Variants in ALK observed in about 807,000 individuals in gnomAD.
ALK encodes the protein ALK receptor tyrosine kinase, also known as ALK tyrosine kinase receptor.
Under a neutral mutation model 163.1 loss-of-function variants are expected in ALK, and 74 were observed. The ratio of observed to expected loss-of-function variants is 0.45; its 90% CI spans 0.38 to 0.55. The LOEUF (loss-of-function observed/expected upper bound fraction) is 0.55, where lower values mean the gene tolerates loss of function less well. Ranked by LOEUF, ALK falls within the 20% of genes least tolerant of loss-of-function variation. The pLI is 0.00. For missense variants in ALK, 2,063 were observed against 2,105.3 expected (o/e 0.98, Z 0.39); for synonymous variants, 960 against 843.2 (o/e 1.14, Z -2.40).
chr2:29,474,709 A>C (rs1452425386), intron 4 of ALK, among the ~76,000 whole-genome samples: 2 of 152,232 alleles, frequency 1.3e-5, no homozygotes, highest in Non-Finnish European at 2.9e-5. Context: ...TGTGTTTCAC[A>C]AGACAGAACT....
chr2:29,357,640 C>G (rs1046415619), intron 5 of ALK, among the ~76,000 whole-genome samples: 1 of 152,192 alleles, frequency 6.6e-6, no homozygotes, highest in African/African-American at 2.4e-5. Context: ...CCATCTCCCC[C>G]ACCTGTCTGT....
chr2:29,461,249 A>G (rs1671077424), intron 4 of ALK, among the ~76,000 whole-genome samples: 1 of 152,230 alleles, frequency 6.6e-6, no homozygotes, highest in African/African-American at 2.4e-5. Flanking sequence ...AAAGTGAAGC[A>G]GCAAGTGCTG....
intron 5 of ALK, among the ~76,000 whole-genome samples, chr2:29,377,347 C>T (rs191620267): frequency 1.5e-3 from 227 of 152,094 alleles, no homozygotes; most frequent in South Asian, 7.1e-3. Flanking sequence ...TGGTGGCTTG[C>T]GCCTGTAATC....
intron 1 of ALK, among the ~76,000 whole-genome samples, chr2:29,828,569 C>T (rs1013981076): frequency 4.6e-5 from 7 of 152,170 alleles, no homozygotes; most frequent in South Asian, 4.1e-4. Flanking sequence ...AAAATGCTCA[C>T]CATCACTGGC....
In ALK at chr2:29,239,691, C is replaced by T. The variant is rs549721018; in HGVS notation, c.2344G>A (p.Ala782Thr). The T allele has an allele frequency of 5.0e-6, 8 of 1,613,870 alleles. No homozygotes were observed. The highest frequency in any genetic ancestry group is 1.3e-5 in the African/African-American group (1 of 75,044). The change falls in exon 13 of 29, where the codon GCC (alanine) becomes ACC (threonine). Residue 782 changes from alanine (A) to threonine (T), a missense_variant. Ala to Thr is a moderately conservative substitution (Grantham distance 58). Around this residue, in one of 5 missense-constraint regions of ALK, gnomAD observed 575 missense variants for 626.6 expected, o/e 0.92. Transcript: ENST00000389048. The part of the protein sequence containing the change: ...YILVGQQGED[A>T]CPSTNQLIQK... ...CTCTGGGCACTTACACTGGGGCAGG[C>T]GTCCTCTCCCTGCTGCCCAACCAGG...
In ALK at chr2:29,881,865, T is replaced by G. The variant is rs75616873; in HGVS notation, c.667+38128A>C. On this transcript the variant is annotated intron_variant, in intron 1 of 28. Transcript: ENST00000389048. ...CCCCCATTTTCCCTCATTTTAAACC[T>G]CAAATTTTCTGTAGTTTCTACTCCC... 6.2e-3 allele frequency among the ~76,000 whole-genome samples: 947 copies of G among 152,244 alleles called. 9 individuals carry two copies. The highest frequency in any genetic ancestry group is 0.022 in the African/African-American group (902 of 41,534).
At chr2:29,377,811 T>C (rs1668793307) in intron 5 of ALK, among the ~76,000 whole-genome samples, 1 of 152,206 alleles carries the variant, frequency 6.6e-6, no homozygotes, top group African/African-American at 2.4e-5. Context: ...CATTTGACTT[T>C]GGATACCTTC....
chr2:29,225,492 G>C lies in ALK; in HGVS notation c.3141C>G (p.Ala1047=), dbSNP rs1314893603. The change falls in exon 19 of 29, where the codon GCC becomes GCG. Residue 1047 remains alanine, a synonymous_variant. Coordinates refer to ENST00000389048, the MANE Select transcript of ALK (RefSeq NM_004304.5). The part of the protein sequence containing the change: ...LSVVTSALVA[A]LVLAFSGIMI... Reference sequence around the variant, plus strand: ...TGATGCCGGAGAAAGCCAGGACCAGGGCGGCCACGAGGGCAGAGGTCACCA... The same window carrying C: ...TGATGCCGGAGAAAGCCAGGACCAGCGCGGCCACGAGGGCAGAGGTCACCA... The C allele has an allele frequency of 6.2e-7, 1 of 1,613,458 alleles. No homozygotes were observed. Among genetic ancestry groups the C allele is most frequent in the Non-Finnish European group, 8.5e-7 (1 of 1,179,958 alleles).
intron 1 of ALK, among the ~76,000 whole-genome samples, chr2:29,763,320 G>A (rs1457458692): frequency 6.6e-6 from 1 of 152,042 alleles, no homozygotes; most frequent in Non-Finnish European, 1.5e-5. Flanking sequence ...CACCTAAATA[G>A]CATTATTATA....
chr2:29,552,890 T>C (rs957421985), intron 3 of ALK, among the ~76,000 whole-genome samples: 4 of 152,196 alleles, frequency 2.6e-5, no homozygotes, highest in African/African-American at 9.6e-5. Flanking sequence ...CCATCCTGCC[T>C]GTCCACCTCA....
At chr2:29,606,771 T>C (rs1481598828) in intron 3 of ALK, among the ~76,000 whole-genome samples, 1 of 152,208 alleles carries the variant, frequency 6.6e-6, no homozygotes, top group Non-Finnish European at 1.5e-5. Context: ...GCTCACAAAA[T>C]CTAAGATATT....
At chr2:29,212,877 G>T (rs564426483) in intron 24 of ALK, among the ~76,000 whole-genome samples, 2 of 152,008 alleles carry the variant, frequency 1.3e-5, no homozygotes, top group African/African-American at 4.8e-5. Flanking sequence ...GGCTAATTTT[G>T]TATTTTTAGT....
rs1245104062 is a variant in ALK at position 29,717,779 on chromosome 2, A to G, written c.668-82T>C. The G allele has an allele frequency of 1.9e-6, 3 of 1,587,088 alleles. No individual in the cohort carries two copies. The African/African-American group carries it at 4.0e-5, about 21-fold the overall frequency. ...TGTCACTCAATATCAGTCAAAAATGAAGTTTATAAGGGGCTTTCATGACAT... is the reference window on the plus strand; with the variant it reads ...TGTCACTCAATATCAGTCAAAAATGGAGTTTATAAGGGGCTTTCATGACAT... On this transcript the variant is annotated intron_variant, in intron 1 of 28. Transcript: ENST00000389048.
At position 29,706,365 on chromosome 2, in the gene ALK, G is replaced by A. The variant is rs560788497; in HGVS notation, c.787+11213C>T. ...AGTCACCTTTGTTATTAATCCACCA[G>A]CTGCCATCAACATCTGGTCACTTGC... On this transcript the variant is annotated intron_variant, in intron 2 of 28. Coordinates refer to ENST00000389048, the MANE Select transcript of ALK (RefSeq NM_004304.5). Among the ~76,000 whole-genome samples the A allele has an allele frequency of 2.0e-5, 3 of 152,262 alleles. No individual in the cohort carries two copies. In the South Asian group the frequency reaches 6.2e-4, roughly 32 times the overall value.
chr2:29,825,420 G>A (rs4321330), intron 1 of ALK, among the ~76,000 whole-genome samples: 43,200 of 152,102 alleles, frequency 0.28, 7,036 homozygotes, highest in East Asian at 0.48. Context: ...ATCAAGGAAG[G>A]AGGAAAGGCT....
rs2148197399 is a variant in ALK at position 29,251,169 on chromosome 2, C to T, written c.2140G>A (p.Val714Met). 1 of 1,614,188 alleles carries T rather than the reference C, an allele frequency of 6.2e-7. No homozygotes were observed. Among genetic ancestry groups the T allele is most frequent in the Non-Finnish European group, 8.5e-7 (1 of 1,180,010 alleles). The part of the protein sequence containing the change: ...AYQNSNLSVE[V>M]GSEGPLKGIQ... ...CCTTTCAGGGGGCCCTCGCTCCCCA[C>T]CTCCACGCTCAGGTTGGAGTTCTGG... The change falls in exon 12 of 29, where the codon GTG becomes ATG. Residue 714 changes from valine to methionine, a missense_variant. Physicochemically the swap from Val to Met is conservative, Grantham distance 21. Transcript: ENST00000389048.
intron 3 of ALK, among the ~76,000 whole-genome samples, chr2:29,607,660 C>T (rs991428887): frequency 6.6e-6 from 1 of 152,202 alleles, no homozygotes; most frequent in African/African-American, 2.4e-5. Flanking sequence ...AGCATCTCTT[C>T]TCTTGGCTTC....
intron 1 of ALK, among the ~76,000 whole-genome samples, chr2:29,873,143 G>T (rs969795257): frequency 6.6e-6 from 1 of 152,206 alleles, no homozygotes; most frequent in African/African-American, 2.4e-5. Context: ...ACCACTGACA[G>T]ATGTTTTATC....
chr2:29,230,613 G>A (rs111779206), intron 15 of ALK, among the ~76,000 whole-genome samples: 118 of 152,202 alleles, frequency 7.8e-4, no homozygotes, highest in African/African-American at 2.7e-3. Context: ...TGAAGCTGAG[G>A]TCAGGAACAA....
Sources: allele counts gnomAD v4.1 joint callset (sites outside exome capture counted in the v4.1 genomes callset), GRCh38; gene constraint gnomAD v4.1.1; regional missense constraint gnomAD v4.1.1; transcripts MANE v1.5; gene names NCBI Gene and HGNC (gene_info 2026-07-23, HGNC 2026-07-21).